Variants in ARHGAP4 observed in about 807,000 individuals in gnomAD.
ARHGAP4 encodes rho GTPase-activating protein 4.
ARHGAP4 carries 25 observed loss-of-function variants against 67.6 expected under a neutral mutation model. The ratio of observed to expected loss-of-function variants is 0.37; its 90% CI spans 0.27 to 0.52. The LOEUF (loss-of-function observed/expected upper bound fraction) is 0.52, where lower values mean the gene tolerates loss of function less well. Ranked by LOEUF, ARHGAP4 falls within the 20% of genes least tolerant of loss-of-function variation. ARHGAP4 has a pLI of 0.92. For missense variants in ARHGAP4, 804 were observed against 854.6 expected, an observed-to-expected ratio of 0.94 and a Z score of 0.74; for synonymous variants, 448 against 373.7, an observed-to-expected ratio of 1.20 and a Z score of -2.29.
intron 12 of ARHGAP4, 75 bp downstream of exon 12, chrX:153,912,625 G>C: frequency 5.5e-6 from 5 of 902,363 alleles, no homozygotes; most frequent in Non-Finnish European, 7.9e-6. Flanking sequence ...CAGCTGCTCC[G>C]GCCACTGAGG....
At chrX:153,922,058 G>A (rs1268724320) in intron 1 of ARHGAP4, 10 of 992,434 alleles carry the variant, frequency 1.0e-5, no homozygotes, top group African/African-American at 3.9e-5. Flanking sequence ...AGAGCCACCC[G>A]GTTGAGGGGG....
At chrX:153,925,459 C>A (rs1352778498) in intron 1 of ARHGAP4, among the ~76,000 whole-genome samples, 2 of 112,393 alleles carry the variant, frequency 1.8e-5, no homozygotes, top group Non-Finnish European at 3.8e-5. Flanking sequence ...GCAAGAGTTA[C>A]CATGCCCTGA....
chrX:153,910,548 G>A lies in ARHGAP4; in HGVS notation c.1880C>T (p.Pro627Leu), dbSNP rs782198333. Residue 627 changes from proline (P) to leucine (L), a missense_variant, in exon 16 of 22, where the codon CCG (proline) becomes CTG (leucine). Pro to Leu is a moderately conservative substitution (Grantham distance 98). Around this residue, in one of 2 missense-constraint regions of ARHGAP4, gnomAD observed 400 missense variants for 348.7 expected, o/e 1.15. Transcript: ENST00000350060. ...GAGGTAGCGCAGAACCACCAGCACC[G>A]GCGCGGGCAGCCGCCACAGCAGGCG... Reference protein sequence around the residue: ...VSRLLWRLPAPVLVVLRYLFT... With the variant: ...VSRLLWRLPALVLVVLRYLFT... 21 of 1,148,146 alleles carry A rather than the reference G, an allele frequency of 1.8e-5. No homozygotes were observed. Among genetic ancestry groups the A allele is most frequent in the African/African-American group, 5.5e-5 (3 of 54,321 alleles). The allele number at this position is 1,148,146 out of a possible 1,213,427, so 94.6% of individuals were successfully genotyped here. A position where few individuals can be genotyped will look rare whatever the true frequency, so the allele number is the denominator to read the frequency against.
In ARHGAP4 at chrX:153,919,056, G is replaced by C; in HGVS notation, c.811-3C>G. On this transcript the variant is annotated splice_region_variant and splice_polypyrimidine_tract_variant and intron_variant, in intron 6 of 21. Coordinates refer to ENST00000350060, the MANE Select transcript of ARHGAP4 (RefSeq NM_001666.5). ...AGGTGGAACCCTGTGTCACAGCACT[G>C]AGGAGGAAACAAGGAGATGCTTGGG... 1 of 1,210,493 alleles carries C rather than the reference G, an allele frequency of 8.3e-7. No individual in the cohort carries two copies. Among genetic ancestry groups the C allele is most frequent in the Non-Finnish European group, 1.1e-6 (1 of 894,533 alleles).
chrX:153,921,281 C>T, intron 3 of ARHGAP4, 84 bp downstream of exon 3: 1 of 1,192,289 alleles, frequency 8.4e-7, no homozygotes, highest in Non-Finnish European at 1.1e-6. Context: ...TGCTCCCCAC[C>T]TGGCCTCCAG....
At position 153,913,447 on chromosome X, in the gene ARHGAP4, G is replaced by A. The variant is rs2065035257; in HGVS notation, c.1288C>T (p.Arg430Cys). The change falls in exon 9 of 22, where the codon CGC (arginine) becomes TGC (cysteine). Residue 430 changes from arginine (R) to cysteine (C), a missense_variant. By Grantham distance (180) the Arg-to-Cys change is radical. This residue lies in a region of ARHGAP4 where 404 missense variants were observed against 505.9 expected (regional missense o/e 0.80). Transcript: ENST00000350060. Reference protein sequence around the residue: ...DPGSRQAGRRRGQQQETETFY... With the variant: ...DPGSRQAGRRCGQQQETETFY... ...GTTTCGGTCTCCTGCTGCTGGCCGCGCCTCCGGCCCGCCTGCCGGCTGCCT... is the reference window on the plus strand; with the variant it reads ...GTTTCGGTCTCCTGCTGCTGGCCGCACCTCCGGCCCGCCTGCCGGCTGCCT... 2 of 1,209,947 alleles carry A rather than the reference G, an allele frequency of 1.7e-6. No individual in the cohort carries two copies. Among genetic ancestry groups the A allele is most frequent in the African/African-American group, 1.7e-5 (1 of 57,367 alleles).
At chrX:153,913,932 C>T (rs2065038660) in intron 7 of ARHGAP4, 53 bp from the exon 8 acceptor site, 1 of 1,105,378 alleles carries the variant, frequency 9.0e-7, no homozygotes, top group African/African-American at 1.8e-5. Flanking sequence ...CAGTAGGTGC[C>T]AAGATCCCCG....
chrX:153,911,252 CTTTT>C (rs10710691), intron 12 of ARHGAP4, 63 bp from the exon 13 acceptor site: 7,117 of 402,584 alleles, frequency 0.018, no homozygotes, highest in East Asian at 0.035. Flanking sequence ...CATTCAATTG[CTTTT>C]TTTTTTTTTT....
At position 153,912,766 on chromosome X, in the gene ARHGAP4, G is replaced by A; in HGVS notation, c.1476C>T (p.Arg492=). Residue 492 remains arginine, a synonymous_variant, in exon 12 of 22, where the codon CGC becomes CGT. Transcript: ENST00000350060. The part of the protein sequence containing the change: ...QYTQRKFQKS[R]QPRPSSQYNQ... The stretch of plus-strand genomic sequence containing the variant: ...TATACTGGGAGCTGGGGCGGGGCTG[G>A]CGGCTCTTCTGGAATTTTCTCTGTG... 2 of 1,211,719 alleles carry A rather than the reference G, an allele frequency of 1.7e-6. No individual in the cohort carries two copies. Among genetic ancestry groups the A allele is most frequent in the Non-Finnish European group, 2.2e-6 (2 of 895,272 alleles).
chrX:153,910,370 G>A lies in ARHGAP4; in HGVS notation c.1957C>T (p.Pro653Ser), dbSNP rs782520072. ...AQYSDENMMD[P>S]YNLAVCFGPT... The stretch of plus-strand genomic sequence containing the variant: ...CCGAAGCACACGGCCAGGTTGTAGG[G>A]GTCCATCATGTTCTCATCGCTGTAC... The change falls in exon 17 of 22, where the codon CCC becomes TCC. Residue 653 changes from proline to serine, a missense_variant. This residue lies in a region of ARHGAP4 where 400 missense variants were observed against 348.7 expected (regional missense o/e 1.15). Transcript: ENST00000350060. 1.2e-5 allele frequency: 15 copies of A among 1,201,257 alleles called. No individual in the cohort carries two copies. In the Admixed American group the frequency reaches 2.0e-4, roughly 16 times the overall value.
intron 9 of ARHGAP4, 53 bp from the exon 10 acceptor site, chrX:153,913,355 C>T: frequency 8.3e-7 from 1 of 1,206,671 alleles, no homozygotes; most frequent in Admixed American, 2.2e-5. Flanking sequence ...GAGCCCCTCC[C>T]TCTGCCCCAG....
At chrX:153,912,576 G>C (rs1033698621) in intron 12 of ARHGAP4, 124 bp downstream of exon 12, 17 of 600,052 alleles carry the variant, frequency 2.8e-5, no homozygotes, top group Middle Eastern at 4.2e-4. Flanking sequence ...GAAAAGGACA[G>C]TTGATGACTG....
chrX:153,917,977 G>A (rs2065066745), intron 7 of ARHGAP4, among the ~76,000 whole-genome samples: 1 of 112,009 alleles, frequency 8.9e-6, no homozygotes, highest in African/African-American at 3.2e-5. Flanking sequence ...CTGGTGTGGA[G>A]GACAGTGCTG....
chrX:153,912,202 A>G (rs782361777), intron 12 of ARHGAP4, among the ~76,000 whole-genome samples: 2 of 105,781 alleles, frequency 1.9e-5, no homozygotes, highest in South Asian at 8.4e-4. Flanking sequence ...TTGTATTTTT[A>G]GTAGAGACGG....
chrX:153,910,457 T>TTCC, intron 16 of ARHGAP4, 49 bp downstream of exon 16: 5 of 1,083,249 alleles, frequency 4.6e-6, no homozygotes, highest in Admixed American at 4.9e-5. Context: ...AGTCCCCCTG[T>TTCC]CCCCTCGACC....
At chrX:153,913,376 A>T (rs1271452671) in intron 9 of ARHGAP4, 33 bp downstream of exon 9, 5 of 1,205,953 alleles carry the variant, frequency 4.1e-6, no homozygotes, top group African/African-American at 1.8e-5. Context: ...CAATGCCCCC[A>T]CGGGTCCCGC....
intron 1 of ARHGAP4, 81 bp downstream of exon 1, chrX:153,926,055 C>T (rs2065126099): frequency 8.8e-7 from 1 of 1,137,357 alleles, no homozygotes; most frequent in African/African-American, 1.9e-5. Flanking sequence ...GGCCCTGGGC[C>T]AGCGCGGGGA....
At chrX:153,925,763 C>G (rs2065122513) in intron 1 of ARHGAP4, among the ~76,000 whole-genome samples, 1 of 112,355 alleles carries the variant, frequency 8.9e-6, no homozygotes, top group East Asian at 2.8e-4. Flanking sequence ...TTACTCACCC[C>G]CCAGCCCAAT....
At chrX:153,918,219 C>G (rs1035434186) in intron 7 of ARHGAP4, among the ~76,000 whole-genome samples, 2 of 111,312 alleles carry the variant, frequency 1.8e-5, no homozygotes, top group Non-Finnish European at 3.8e-5. Flanking sequence ...GAACAAGATG[C>G]AGGGAAGCGT....
Sources: gnomAD v4.1 joint callset for allele counts (sites outside exome capture counted in the v4.1 genomes callset) on GRCh38, gnomAD v4.1.1 for gene constraint, gnomAD v4.1.1 regional missense constraint, MANE v1.5 for transcripts, NCBI Gene and HGNC (gene_info 2026-07-23, HGNC 2026-07-21) for gene names.